The following SBF2 variants were observed in gnomAD, a reference collection of about 807,000 sequenced individuals.
SBF2 encodes the protein SET binding factor 2.
Under a neutral mutation model 225.2 loss-of-function variants are expected in SBF2, and 112 were observed. The ratio of observed to expected loss-of-function variants is 0.50; its 90% CI spans 0.43 to 0.58. The LOEUF is 0.58. Among genes scored for constraint, SBF2 ranks in the 20% least tolerant of loss-of-function variants. SBF2 has a pLI of 0.00. For missense variants in SBF2, 1,996 were observed against 2,206.2 expected, an observed-to-expected ratio of 0.90 and a Z score of 1.91; for synonymous variants, 763 against 773.3, an observed-to-expected ratio of 0.99 and a Z score of 0.22.
chr11:10,293,952 A>ACGCCCGGCCCCGAC, intron 1 of SBF2, 63 bp downstream of exon 1: 6 of 1,058,086 alleles, frequency 5.7e-6, no homozygotes, highest in Non-Finnish European at 6.0e-6. Flanking sequence ...GGCCCCGCGG[A>ACGCCCGGCCCCGAC]GCCCACTGGA....
At chr11:10,039,851 C>CT (rs1347466137) in intron 3 of SBF2, among the ~76,000 whole-genome samples, 2 of 151,694 alleles carry the variant, frequency 1.3e-5, no homozygotes, top group African/African-American at 4.8e-5. Flanking sequence ...AGGAATCTGT[C>CT]TGAGTGGTGC....
At chr11:9,926,689 T>G (rs1359015414) in intron 16 of SBF2, among the ~76,000 whole-genome samples, 1 of 152,136 alleles carries the variant, frequency 6.6e-6, no homozygotes, top group Non-Finnish European at 1.5e-5. Flanking sequence ...TGAGAAAGTA[T>G]TTAAAAATGA....
intron 2 of SBF2, among the ~76,000 whole-genome samples, chr11:10,116,547 T>C (rs958005666): frequency 1.3e-5 from 2 of 152,248 alleles, no homozygotes; most frequent in Non-Finnish European, 2.9e-5. Context: ...ATTTCCCTGT[T>C]CAAGAATCTA....
chr11:10,188,049 C>T (rs192578038), intron 2 of SBF2, among the ~76,000 whole-genome samples: 8 of 152,276 alleles, frequency 5.3e-5, no homozygotes, highest in African/African-American at 1.9e-4. Flanking sequence ...AAATTAACTT[C>T]GCTCAAGGCT....
At chr11:10,132,175 G>A (rs1026706024) in intron 2 of SBF2, among the ~76,000 whole-genome samples, 5 of 152,214 alleles carry the variant, frequency 3.3e-5, no homozygotes, top group African/African-American at 2.4e-5. Context: ...GGCTGTAATT[G>A]GATAGGCTAT....
intron 1 of SBF2, among the ~76,000 whole-genome samples, chr11:10,275,067 T>A (rs1316358622): frequency 6.6e-6 from 1 of 152,068 alleles, no homozygotes; most frequent in Non-Finnish European, 1.5e-5. Flanking sequence ...CCAAATCACA[T>A]GGACACCTGA....
At chr11:9,884,564 T>A (rs1329346978) in intron 17 of SBF2, among the ~76,000 whole-genome samples, 1 of 152,228 alleles carries the variant, frequency 6.6e-6, no homozygotes, top group East Asian at 1.9e-4. Flanking sequence ...ACAGTTTTGG[T>A]GGCGTACTTT....
chr11:10,140,528 T>G (rs974453612), intron 2 of SBF2, among the ~76,000 whole-genome samples: 1 of 152,174 alleles, frequency 6.6e-6, no homozygotes, highest in African/African-American at 2.4e-5. Context: ...CTCTCCCCCT[T>G]AAGTGTCCTA....
chr11:10,063,422 A>G (rs564970616), intron 2 of SBF2, among the ~76,000 whole-genome samples: 120 of 150,672 alleles, frequency 8.0e-4, no homozygotes, highest in Non-Finnish European at 1.6e-3. Flanking sequence ...CAGTGGCGTG[A>G]TCTCGGCTCA....
At chr11:9,918,996 C>A (rs1590443952) in intron 16 of SBF2, among the ~76,000 whole-genome samples, 2 of 152,104 alleles carry the variant, frequency 1.3e-5, no homozygotes, top group East Asian at 3.9e-4. Flanking sequence ...CTCGCCTTGG[C>A]CTCCCAAAGT....
At chr11:10,211,687 TAC>T (rs1301754486) in intron 1 of SBF2, among the ~76,000 whole-genome samples, 4 of 152,178 alleles carry the variant, frequency 2.6e-5, no homozygotes, top group Admixed American at 1.3e-4. Context: ...ACAAAATCCC[TAC>T]AGACTAAATG....
At chr11:9,827,347 G>A (rs1374874121) in intron 28 of SBF2, among the ~76,000 whole-genome samples, 1 of 152,130 alleles carries the variant, frequency 6.6e-6, no homozygotes, top group Non-Finnish European at 1.5e-5. Flanking sequence ...GGGCAACATA[G>A]TAAGACTCTG....
chr11:9,958,769 G>A lies in SBF2; in HGVS notation c.1860+3188C>T, dbSNP rs1027152181. On this transcript the variant is annotated intron_variant, in intron 16 of 39. Transcript: ENST00000256190. ...TTTTGTACTGGAAGGGCTCAACTCC[G>A]GTTTGAGAAGACACGGGCAGATGAG... The A allele has an allele frequency of 1.5e-5, 7 of 479,002 alleles. 1 individual carries two copies. Among genetic ancestry groups the A allele is most frequent in the South Asian group, 3.8e-5 (2 of 53,322 alleles). The allele number at this position is 479,002 out of a possible 1,614,324, so 29.7% of individuals were successfully genotyped here. A position where few individuals can be genotyped will look rare whatever the true frequency, so the allele number is the denominator to read the frequency against.
chr11:9,899,491 G>C (rs1378265226), intron 16 of SBF2, among the ~76,000 whole-genome samples: 1 of 125,372 alleles, frequency 8.0e-6, no homozygotes, highest in African/African-American at 3.1e-5. Flanking sequence ...GTGACACAGA[G>C]AGACACTGTC....
At chr11:9,820,228 A>G (rs1238022616) in intron 28 of SBF2, among the ~76,000 whole-genome samples, 2 of 152,226 alleles carry the variant, frequency 1.3e-5, no homozygotes, top group Non-Finnish European at 2.9e-5. Flanking sequence ...GCAAAAGTGT[A>G]TAACATATGA....
At chr11:10,044,425 TAATAAGCAAAGTAATAA>T (rs1565167818) in intron 2 of SBF2, 2 of 155,792 alleles carry the variant, frequency 1.3e-5, no homozygotes, top group Non-Finnish European at 2.8e-5. Flanking sequence ...GCAAATTATA[TAATAAGCAAAGTAATAA>T]AATAAGCAAA....
intron 2 of SBF2, among the ~76,000 whole-genome samples, chr11:10,172,807 C>T (rs1253066075): frequency 1.3e-5 from 2 of 152,206 alleles, no homozygotes; most frequent in Admixed American, 6.5e-5. Flanking sequence ...GCTGGGATTA[C>T]ATGCATGTGC....
At chr11:9,811,600 G>A (rs1162006698) in intron 30 of SBF2, among the ~76,000 whole-genome samples, 3 of 152,086 alleles carry the variant, frequency 2.0e-5, no homozygotes, top group Non-Finnish European at 2.9e-5. Context: ...ACCCTAAATT[G>A]CCTTAATAAT....
intron 6 of SBF2, among the ~76,000 whole-genome samples, chr11:10,018,588 G>C (rs11042590): frequency 1.3e-5 from 2 of 152,064 alleles, no homozygotes; most frequent in East Asian, 1.9e-4. Context: ...CAAAGATAGA[G>C]CTATTTAATA....
Sources: allele counts gnomAD v4.1 joint callset (sites outside exome capture counted in the v4.1 genomes callset), GRCh38; gene constraint gnomAD v4.1.1; transcripts MANE v1.5; gene names NCBI Gene and HGNC (gene_info 2026-07-23, HGNC 2026-07-21).